Variants in CORIN observed in about 807,000 individuals in gnomAD.
The protein encoded by CORIN is atrial natriuretic peptide-converting enzyme.
CORIN carries 117 observed loss-of-function variants against 125.3 expected under a neutral mutation model. The ratio of observed to expected loss-of-function variants is 0.93; its 90% CI spans 0.80 to 1.09. The LOEUF is 1.09. Among genes scored for constraint, CORIN ranks in the 50% least tolerant of loss-of-function variants. The pLI is 0.00. For synonymous variants in CORIN, 450 were observed against 466.4 expected (o/e 0.96, Z 0.45); for missense variants, 1,253 against 1,306.7 (o/e 0.96, Z 0.63).
At chr4:47,692,343 ACTT>A (rs1232303535) in intron 6 of CORIN, among the ~76,000 whole-genome samples, 2 of 152,214 alleles carry the variant, frequency 1.3e-5, no homozygotes, top group African/African-American at 4.8e-5. Context: ...ATTACAATGT[ACTT>A]CTTCAGGATG....
chr4:47,797,977 A>G (rs1731373250), intron 2 of CORIN, among the ~76,000 whole-genome samples: 1 of 152,172 alleles, frequency 6.6e-6, no homozygotes, highest in East Asian at 1.9e-4. Flanking sequence ...CTAATGAAAT[A>G]AAAATCTACA....
rs1733553912 is a variant in CORIN, at chr4:47,838,019, C to G, written c.-70G>C. On this transcript the variant is annotated 5_prime_UTR_variant, in exon 1 of 22. Coordinates refer to ENST00000273857, the MANE Select transcript of CORIN (RefSeq NM_006587.4). ...CGCTTTTCTCTCCTCTACGTGTCCC[C>G]CGGGGAGGCACTACGGATGATTTTC... 1 of 1,595,780 alleles carries G rather than the reference C, an allele frequency of 6.3e-7. No individual in the cohort carries two copies. Among genetic ancestry groups the G allele is most frequent in the African/African-American group, 1.3e-5 (1 of 74,516 alleles).
chr4:47,797,933 CTTT>C (rs1293104088), intron 2 of CORIN, among the ~76,000 whole-genome samples: 1 of 152,118 alleles, frequency 6.6e-6, no homozygotes, highest in East Asian at 1.9e-4. Context: ...GCTCTTTCTT[CTTT>C]GTCATATGGA....
intron 1 of CORIN, among the ~76,000 whole-genome samples, chr4:47,829,472 G>A (rs1443486773): frequency 1.3e-5 from 2 of 152,168 alleles, no homozygotes; most frequent in Non-Finnish European, 2.9e-5. Flanking sequence ...GTTAAGTGTT[G>A]TCCTGAGTTC....
At chr4:47,724,058 A>C (rs1020855166) in intron 5 of CORIN, among the ~76,000 whole-genome samples, 2 of 151,894 alleles carry the variant, frequency 1.3e-5, no homozygotes, top group African/African-American at 4.8e-5. Context: ...AAAGATAATT[A>C]ATAGGCACCA....
At chr4:47,794,045 G>A (rs1190223487) in intron 2 of CORIN, among the ~76,000 whole-genome samples, 2 of 152,112 alleles carry the variant, frequency 1.3e-5, no homozygotes, top group African/African-American at 2.4e-5. Context: ...AGAATCCTCC[G>A]CTGGTGAATC....
rs1376099018 is a variant in CORIN, at chr4:47,626,433, T to A, written c.2287A>T (p.Thr763Ser). Residue 763 changes from threonine (T) to serine (S), a missense_variant, in exon 17 of 22, where the codon ACC becomes TCC. Transcript: ENST00000273857. ...LHSNWESLNG[T>S]TLHELLVNGQ... Reference sequence around the variant, plus strand: ...TTTACTAGAAGTTCATGTAAAGTGGTCCCATTGAGGCTCTCCCAGTTGGAG... The same window carrying A: ...TTTACTAGAAGTTCATGTAAAGTGGACCCATTGAGGCTCTCCCAGTTGGAG... 6.2e-7 allele frequency: 1 copy of A among 1,612,162 alleles called. No homozygotes were observed.
chr4:47,795,046 T>C (rs934428294), intron 2 of CORIN, among the ~76,000 whole-genome samples: 2 of 152,110 alleles, frequency 1.3e-5, no homozygotes, highest in Non-Finnish European at 2.9e-5. Flanking sequence ...TCAAAGAGAG[T>C]ATTCTTTCCC....
At chr4:47,630,738 T>C (rs1255852323) in intron 16 of CORIN, among the ~76,000 whole-genome samples, 1 of 152,248 alleles carries the variant, frequency 6.6e-6, no homozygotes, top group Non-Finnish European at 1.5e-5. Context: ...TACAGAACTC[T>C]TGGACTCCTG....
intron 16 of CORIN, among the ~76,000 whole-genome samples, chr4:47,632,785 AT>A (rs34742353): frequency 4.1e-4 from 54 of 132,996 alleles, no homozygotes; most frequent in East Asian, 9.6e-4. Flanking sequence ...AGTTAGATAG[AT>A]TTTTTTTTTT....
chr4:47,818,329 T>G (rs565304901), intron 1 of CORIN, among the ~76,000 whole-genome samples: 48 of 151,730 alleles, frequency 3.2e-4, no homozygotes, highest in African/African-American at 1.1e-3. Flanking sequence ...GAGCAAGGAG[T>G]TGCACCCAGG....
At chr4:47,696,154 C>A (rs1351938999) in intron 5 of CORIN, among the ~76,000 whole-genome samples, 1 of 151,974 alleles carries the variant, frequency 6.6e-6, no homozygotes, top group East Asian at 1.9e-4. Flanking sequence ...TTTTGAACAC[C>A]CTGAGAGAGC....
chr4:47,776,904 T>G (rs561877610), intron 3 of CORIN, among the ~76,000 whole-genome samples: 4 of 152,316 alleles, frequency 2.6e-5, no homozygotes, highest in Admixed American at 2.6e-4. Context: ...TATATTTTTG[T>G]CCTTGTAAAG....
chr4:47,779,502 T>C (rs1730445589), intron 3 of CORIN, among the ~76,000 whole-genome samples: 2 of 151,682 alleles, frequency 1.3e-5, no homozygotes, highest in African/African-American at 4.8e-5. Flanking sequence ...AGTGGTGCGA[T>C]CTCGGCTCAC....
At chr4:47,630,837 T>C (rs1236698922) in intron 16 of CORIN, among the ~76,000 whole-genome samples, 1 of 152,182 alleles carries the variant, frequency 6.6e-6, no homozygotes, top group Non-Finnish European at 1.5e-5. Context: ...CCCCAGATTT[T>C]CTGATTCAGT....
intron 2 of CORIN, among the ~76,000 whole-genome samples, chr4:47,803,669 C>G (rs1050098044): frequency 1.3e-4 from 20 of 152,206 alleles, no homozygotes; most frequent in African/African-American, 4.8e-4. Flanking sequence ...AAGAATAAAA[C>G]TAGACTGCTA....
At chr4:47,642,867 G>A in intron 15 of CORIN, 2 of 1,460,082 alleles carry the variant, frequency 1.4e-6, no homozygotes, top group Non-Finnish European at 1.8e-6. Flanking sequence ...TTAATGAAGA[G>A]TTTTTAAATC....
chr4:47,834,534 G>A (rs939820204), intron 1 of CORIN, among the ~76,000 whole-genome samples: 1 of 152,144 alleles, frequency 6.6e-6, no homozygotes, highest in African/African-American at 2.4e-5. Context: ...TACACAGCAT[G>A]GCTTCTGTAG....
intron 19 of CORIN, 24 bp from the exon 20 acceptor site, chr4:47,603,692 T>A: frequency 6.2e-7 from 1 of 1,601,770 alleles, no homozygotes; most frequent in South Asian, 1.1e-5. Context: ...TCAAGAGCTA[T>A]TGGCATCTTA....
Sources: gnomAD v4.1 joint callset for allele counts (sites outside exome capture counted in the v4.1 genomes callset) on GRCh38, gnomAD v4.1.1 for gene constraint, MANE v1.5 for transcripts, NCBI Gene and HGNC (gene_info 2026-07-23, HGNC 2026-07-21) for gene names.